The following IL22RA1 variants were observed in gnomAD, a reference collection of about 807,000 sequenced individuals.
IL22RA1 encodes the protein interleukin-22 receptor subunit alpha-1.
Under a neutral mutation model 32.8 loss-of-function variants are expected in IL22RA1, and 25 were observed. The observed-to-expected ratio is 0.76, with a 90% CI of 0.55 to 1.06. The LOEUF (loss-of-function observed/expected upper bound fraction) is 1.06, where lower values mean the gene tolerates loss of function less well. IL22RA1 is among the 50% of genes least tolerant of loss of function. The probability of loss-of-function intolerance (pLI) is 0.00; values close to 1 mark genes in which losing one functional copy is unlikely to be tolerated. For synonymous variants in IL22RA1, 305 were observed against 305.0 expected (o/e 1.00, Z 0.00); for missense variants, 709 against 727.4 (o/e 0.97, Z 0.29).
chr1:24,138,905 C>T (rs1263529032), intron 1 of IL22RA1, among the ~76,000 whole-genome samples, 191 bp from the exon 2 acceptor site: 1 of 152,226 alleles, frequency 6.6e-6, no homozygotes, highest in Admixed American at 6.5e-5. Context: ...AGAGGGGATG[C>T]TCCCCACGCT....
At chr1:24,135,615 C>T (rs140135334) in intron 3 of IL22RA1, among the ~76,000 whole-genome samples, 2,347 of 152,264 alleles carry the variant, frequency 0.015, 83 homozygotes, top group African/African-American at 0.054. Flanking sequence ...AGAGGTTTAA[C>T]TGACTCACAG....
Position 24,119,908 on chromosome 1 carries a change from G to A in IL22RA1, c.*897C>T, listed in dbSNP as rs1283824217. On this transcript the variant is annotated 3_prime_UTR_variant, in exon 7 of 7. Coordinates refer to ENST00000270800, the MANE Select transcript of IL22RA1 (RefSeq NM_021258.4). ...CCACATTACAGATGAGGAAACCGAG[G>A]TTCTGGGCACTGATTTCATTTGTTT... 2 of 152,250 alleles carry A rather than the reference G, an allele frequency of 1.3e-5. No homozygotes were observed. The highest frequency in any genetic ancestry group is 2.9e-5 in the Non-Finnish European group (2 of 68,052). The allele number at this position is 152,250 out of a possible 1,614,324, so 9.4% of individuals were successfully genotyped here.
At chr1:24,132,722 C>T (rs554996482) in intron 4 of IL22RA1, among the ~76,000 whole-genome samples, 32 of 151,596 alleles carry the variant, frequency 2.1e-4, no homozygotes, top group South Asian at 8.4e-4. Context: ...TTAAGTTGGC[C>T]GGGTGCGGTG....
chr1:24,126,512 C>T (rs371584426), intron 5 of IL22RA1, among the ~76,000 whole-genome samples: 7 of 152,210 alleles, frequency 4.6e-5, no homozygotes, highest in East Asian at 1.9e-4. Context: ...CCCCCAGGCA[C>T]GTGGTTGGCT....
chr1:24,133,934 TAAA>T (rs201707576), intron 4 of IL22RA1, among the ~76,000 whole-genome samples: 1 of 151,936 alleles, frequency 6.6e-6, no homozygotes, highest in Non-Finnish European at 1.5e-5. Flanking sequence ...AATAAATAAA[TAAA>T]AAACAAAACA....
rs34900099 is a variant in IL22RA1, at chr1:24,134,354, A to G, written c.388T>C (p.Ser130Pro). ...ATCATCTGAATCGATCTCACTTTGG[A>G]GATACAGGTCACATCAGGTGGCTTG... Reference protein sequence around the residue: ...TLKPPDVTCISKVRSIQMIVH... With the variant: ...TLKPPDVTCIPKVRSIQMIVH... Residue 130 changes from serine (S) to proline (P), a missense_variant, in exon 4 of 7, where the codon TCC becomes CCC. Transcript: ENST00000270800. The G allele has an allele frequency of 2.9e-3, 4,632 of 1,575,358 alleles. 141 individuals carry two copies. In the African/African-American group the frequency reaches 0.055, roughly 19 times the overall value.
At chr1:24,139,310 T>G (rs949709967) in intron 1 of IL22RA1, among the ~76,000 whole-genome samples, 11 of 152,240 alleles carry the variant, frequency 7.2e-5, no homozygotes, top group African/African-American at 2.7e-4. Context: ...TTCCATTGTG[T>G]GATATACCAC....
At chr1:24,127,357 G>A (rs564432149) in intron 5 of IL22RA1, among the ~76,000 whole-genome samples, 1 of 151,822 alleles carries the variant, frequency 6.6e-6, no homozygotes, top group African/African-American at 2.4e-5. Context: ...TGTCATCCAG[G>A]CTGGAGTGCA....
At chr1:24,141,268 G>C (rs1644279644) in intron 1 of IL22RA1, among the ~76,000 whole-genome samples, 1 of 152,206 alleles carries the variant, frequency 6.6e-6, no homozygotes, top group African/African-American at 2.4e-5. Flanking sequence ...GTTCTGGAGG[G>C]AGGGGTCCTG....
At position 24,121,634 on chromosome 1, in the gene IL22RA1, A is replaced by G. The variant is rs775883816; in HGVS notation, c.896T>C (p.Val299Ala). ...AGACACCCTGATCTGGGAGTACTGG[A>G]CAGGCTGGGCCAGACTGCTGGGGCC... The part of the protein sequence containing the change: ...LSGPSSLAQP[V>A]QYSQIRVSGP... Residue 299 changes from valine (V) to alanine (A), a missense_variant, in exon 7 of 7, where the codon GTC becomes GCC. Coordinates refer to ENST00000270800, the MANE Select transcript of IL22RA1 (RefSeq NM_021258.4). The G allele has an allele frequency of 3.1e-6, 5 of 1,612,720 alleles. No homozygotes were observed. The Admixed American group carries it at 8.3e-5, about 27-fold the overall frequency.
At chr1:24,129,733 T>C (rs758442312) in intron 4 of IL22RA1, among the ~76,000 whole-genome samples, 8 of 152,244 alleles carry the variant, frequency 5.3e-5, no homozygotes, top group Non-Finnish European at 1.0e-4. Flanking sequence ...TGAGGGTAAT[T>C]TACTGTTTTC....
intron 5 of IL22RA1, among the ~76,000 whole-genome samples, chr1:24,124,353 C>G (rs1644147073): frequency 1.3e-5 from 2 of 152,138 alleles, no homozygotes; most frequent in African/African-American, 4.8e-5. Flanking sequence ...AAGGCACTGT[C>G]CTGTCTAAAA....
At chr1:24,138,746 G>C in intron 1 of IL22RA1, 32 bp from the exon 2 acceptor site, 1 of 1,608,432 alleles carries the variant, frequency 6.2e-7, no homozygotes, top group Non-Finnish European at 8.5e-7. Context: ...GTGAGCAGGG[G>C]CTTTCCCAGG....
At chr1:24,128,391 T>A (rs1644179696) in intron 4 of IL22RA1, 112 bp from the exon 5 acceptor site, 3 of 1,252,114 alleles carry the variant, frequency 2.4e-6, no homozygotes, top group Non-Finnish European at 3.5e-6. Flanking sequence ...GATGGGTCTG[T>A]CTTCAGCCTC....
At chr1:24,132,253 G>T (rs1364727967) in intron 4 of IL22RA1, among the ~76,000 whole-genome samples, 1 of 152,028 alleles carries the variant, frequency 6.6e-6, no homozygotes, top group African/African-American at 2.4e-5. Context: ...ACTGGAAGGG[G>T]ACCCAAGAAT....
chr1:24,134,119 AT>A (rs1644225279), intron 4 of IL22RA1, 91 bp downstream of exon 4: 1 of 1,062,290 alleles, frequency 9.4e-7, no homozygotes, highest in East Asian at 2.8e-5. Flanking sequence ...TTTACATAAC[AT>A]GTCCCCTTTT....
intron 3 of IL22RA1, among the ~76,000 whole-genome samples, chr1:24,135,766 A>C (rs1644237621): frequency 2.0e-5 from 3 of 152,160 alleles, no homozygotes; most frequent in Admixed American, 1.3e-4. Context: ...AAACCATCAG[A>C]TCTCACAAGA....
chr1:24,121,542 G>A lies in IL22RA1; in HGVS notation c.988C>T (p.Pro330Ser). ...SLSEITYLGQ[P>S]DISILQPSNV... ...GAGGGCTGGAGGATGGAGATGTCTGGCTGCCCTAAGTAGGTGATCTCGGAC... is the reference window on the plus strand; with the variant it reads ...GAGGGCTGGAGGATGGAGATGTCTGACTGCCCTAAGTAGGTGATCTCGGAC... Residue 330 changes from proline (P) to serine (S), a missense_variant, in exon 7 of 7, where the codon CCA (proline) becomes TCA (serine). Pro to Ser is a moderately conservative substitution (Grantham distance 74, BLOSUM62 -1). Transcript: ENST00000270800. 6.3e-7 allele frequency: 1 copy of A among 1,599,656 alleles called. No homozygotes were observed. Among genetic ancestry groups the A allele is most frequent in the South Asian group, 1.1e-5 (1 of 89,696 alleles).
At chr1:24,138,384 C>A (rs150394944) in intron 2 of IL22RA1, among the ~76,000 whole-genome samples, 198 bp downstream of exon 2, 1 of 152,156 alleles carries the variant, frequency 6.6e-6, no homozygotes, top group African/African-American at 2.4e-5. Context: ...GACAGCCTGA[C>A]CCTATCACCT....
Sources: allele counts gnomAD v4.1 joint callset (sites outside exome capture counted in the v4.1 genomes callset), GRCh38; gene constraint gnomAD v4.1.1; transcripts MANE v1.5; gene names NCBI Gene and HGNC (gene_info 2026-07-23, HGNC 2026-07-21).